The following MMS22L variants were observed in gnomAD, a reference collection of about 807,000 sequenced individuals.
The protein encoded by MMS22L is MMS22 like, DNA repair protein.
A neutral mutation model predicts 159.1 loss-of-function variants in MMS22L; 74 were observed. That is an observed-to-expected ratio of 0.47 (90% CI 0.39 to 0.56). The LOEUF is 0.56. Among genes scored for constraint, MMS22L ranks in the 20% least tolerant of loss-of-function variants. MMS22L has a pLI of 0.00. For synonymous variants in MMS22L, 517 were observed against 506.9 expected (o/e 1.02, Z -0.27); for missense variants, 1,351 against 1,422.1 (o/e 0.95, Z 0.80).
chr6:97,236,280 C>T (rs939882865), intron 11 of MMS22L, among the ~76,000 whole-genome samples: 23 of 144,786 alleles, frequency 1.6e-4, no homozygotes, highest in Admixed American at 9.2e-4. Flanking sequence ...TGCAGTGAGC[C>T]GAGACTGCCA....
At chr6:97,154,328 AAG>A (rs886535703) in intron 22 of MMS22L, among the ~76,000 whole-genome samples, 1 of 152,134 alleles carries the variant, frequency 6.6e-6, no homozygotes, top group Admixed American at 6.6e-5. Context: ...ACTTATTCTT[AAG>A]AGTTATTTAT....
intron 14 of MMS22L, among the ~76,000 whole-genome samples, chr6:97,196,879 T>C (rs959473246): frequency 1.3e-5 from 2 of 152,162 alleles, no homozygotes; most frequent in African/African-American, 2.4e-5. Context: ...ATTATATCTA[T>C]ACATTTGTAT....
At position 97,229,348 on chromosome 6, in the gene MMS22L, GT is replaced by G. The variant is rs1233448606; in HGVS notation, c.1584del (p.Gln529ArgfsTer10). ...KRMEELTEVGLQNFFSLFLLL... is the reference protein window; with the variant it reads ...KRMEELTEVGXQNFFSLFLLL... ...AGTAGAAAAAGGCTAAAAAAGTTCT[GT>G]AGACCAACTTCAGTTAGTTCTTCCA... On this transcript the variant is annotated frameshift_variant, in exon 14 of 25. Transcript: ENST00000683635. LOFTEE classifies it high-confidence loss of function. 6.2e-7 allele frequency: 1 copy of G among 1,608,268 alleles called. No individual in the cohort carries two copies. The highest frequency in any genetic ancestry group is 8.5e-7 in the Non-Finnish European group (1 of 1,177,194).
At chr6:97,177,564 T>A (rs537323586) in intron 18 of MMS22L, among the ~76,000 whole-genome samples, 1 of 152,270 alleles carries the variant, frequency 6.6e-6, no homozygotes, top group Non-Finnish European at 1.5e-5. Flanking sequence ...TTCTGATCCA[T>A]TATAGCTCCT....
chr6:97,173,006 T>C (rs1562415858), intron 19 of MMS22L, 57 bp downstream of exon 19: 1 of 1,505,918 alleles, frequency 6.6e-7, no homozygotes, highest in Non-Finnish European at 9.0e-7. Context: ...TCCATCATGA[T>C]AGTATAGGCT....
chr6:97,167,132 C>T (rs768556195), intron 20 of MMS22L, among the ~76,000 whole-genome samples: 2 of 152,098 alleles, frequency 1.3e-5, no homozygotes, highest in Non-Finnish European at 2.9e-5. Flanking sequence ...CAGTCTCATC[C>T]TTTCCTGAAT....
At position 97,205,889 on chromosome 6, in the gene MMS22L, C is replaced by T. The variant is rs77772590; in HGVS notation, c.2040-19199G>A. ...CAGCAAAAGTGAGAAATATGGAAAC[C>T]GTAACTCTTCTATTTGCAAAATCCA... On this transcript the variant is annotated intron_variant, in intron 14 of 24. Transcript: ENST00000683635. 1.1e-4 allele frequency among the ~76,000 whole-genome samples: 17 copies of T among 152,124 alleles called. 1 individual carries two copies. The highest frequency in any genetic ancestry group is 9.8e-4 in the Admixed American group (15 of 15,278).
rs1375304469 is a variant in MMS22L at position 97,283,074 on chromosome 6, TTACCCGCG to T, written c.-77+14_-77+21del. ...CTGCAGCAAGGACCCGGGGCGTCGG[TTACCCGCG>T]GTGCCTGTCGTACCCGCTCACATTT... On this transcript the variant is annotated intron_variant, in intron 1 of 24. Coordinates refer to ENST00000683635, the MANE Select transcript of MMS22L (RefSeq NM_001350599.2). 7 of 152,324 alleles carry T rather than the reference TTACCCGCG, an allele frequency of 4.6e-5. No individual in the cohort carries two copies. The highest frequency in any genetic ancestry group is 1.4e-4 in the African/African-American group (6 of 41,556). The allele number at this position is 152,324 out of a possible 1,614,324, so 9.4% of individuals were successfully genotyped here.
intron 18 of MMS22L, among the ~76,000 whole-genome samples, chr6:97,175,007 C>T (rs1308683103): frequency 2.0e-5 from 3 of 152,252 alleles, no homozygotes; most frequent in Middle Eastern, 3.4e-3. Flanking sequence ...CTTGACTAGA[C>T]GTTCTCAAAC....
At chr6:97,184,387 A>C (rs1485597250) in intron 15 of MMS22L, among the ~76,000 whole-genome samples, 1 of 152,114 alleles carries the variant, frequency 6.6e-6, no homozygotes, top group Non-Finnish European at 1.5e-5. Context: ...AATTATTTAT[A>C]TATGGATGCT....
chr6:97,228,778 C>G (rs1810524587), intron 14 of MMS22L, 116 bp downstream of exon 14: 7 of 989,888 alleles, frequency 7.1e-6, no homozygotes, highest in Non-Finnish European at 1.0e-5. Flanking sequence ...AATCCTTCCT[C>G]TACATTTGGA....
intron 14 of MMS22L, among the ~76,000 whole-genome samples, chr6:97,208,342 A>G (rs563750031): frequency 2.0e-5 from 3 of 152,236 alleles, no homozygotes; most frequent in Non-Finnish European, 2.9e-5. Context: ...TGCCAGAACC[A>G]TCTATATAAT....
At position 97,233,834 on chromosome 6, in the gene MMS22L, G is replaced by C. The variant is rs373178030; in HGVS notation, c.1302+27C>G. Reference sequence around the variant, plus strand: ...TATGTACAAATTTTTAAAATTCCTGGAGCAAATTCCTATTCTATTCACTCA... The same window carrying C: ...TATGTACAAATTTTTAAAATTCCTGCAGCAAATTCCTATTCTATTCACTCA... On this transcript the variant is annotated intron_variant, in intron 12 of 24. Coordinates refer to ENST00000683635, the MANE Select transcript of MMS22L (RefSeq NM_001350599.2). 4.5e-6 allele frequency: 7 copies of C among 1,554,048 alleles called. No individual in the cohort carries two copies. In the African/African-American group the frequency reaches 9.8e-5, roughly 22 times the overall value.
At chr6:97,155,706 T>C (rs1801766790) in intron 22 of MMS22L, among the ~76,000 whole-genome samples, 1 of 152,204 alleles carries the variant, frequency 6.6e-6, no homozygotes, top group Non-Finnish European at 1.5e-5. Context: ...CTTTATTCAG[T>C]CTATCATTGA....
At chr6:97,188,195 T>C (rs1166516077) in intron 14 of MMS22L, among the ~76,000 whole-genome samples, 3 of 152,302 alleles carry the variant, frequency 2.0e-5, no homozygotes, top group East Asian at 3.9e-4. Flanking sequence ...TCACAGTACA[T>C]TTCTACACAG....
chr6:97,222,930 C>T (rs146691908), intron 14 of MMS22L, among the ~76,000 whole-genome samples: 1 of 152,204 alleles, frequency 6.6e-6, no homozygotes, highest in East Asian at 1.9e-4. Flanking sequence ...CCTCAAATAA[C>T]AGCAAGTGAG....
intron 14 of MMS22L, among the ~76,000 whole-genome samples, chr6:97,187,030 T>TTTTTAAAACAA (rs1212490124): frequency 2.0e-5 from 3 of 152,076 alleles, no homozygotes; most frequent in Non-Finnish European, 4.4e-5. Context: ...ATGAAAACAA[T>TTTTTAAAACAA]TTTTAAAACA....
intron 14 of MMS22L, among the ~76,000 whole-genome samples, chr6:97,199,248 A>G (rs1019384228): frequency 1.5e-4 from 23 of 152,148 alleles, no homozygotes; most frequent in Non-Finnish European, 2.9e-4. Context: ...TTCCACAGTA[A>G]GTAAGCTAGG....
intron 20 of MMS22L, among the ~76,000 whole-genome samples, 156 bp from the exon 21 acceptor site, chr6:97,165,613 G>A (rs781480185): frequency 6.6e-6 from 1 of 152,078 alleles, no homozygotes; most frequent in Non-Finnish European, 1.5e-5. Flanking sequence ...ATGTACATAC[G>A]AATTACAAGG....
Sources: allele counts gnomAD v4.1 joint callset (sites outside exome capture counted in the v4.1 genomes callset), GRCh38; gene constraint gnomAD v4.1.1; transcripts MANE v1.5; gene names NCBI Gene and HGNC (gene_info 2026-07-23, HGNC 2026-07-21).